The following LSS variants were observed in gnomAD, a reference collection of about 807,000 sequenced individuals.
LSS encodes the protein 2,3-epoxysqualene-lanosterol cyclase.
In LSS, 90 loss-of-function variants were observed where a neutral mutation model predicts 110.3. The ratio of observed to expected loss-of-function variants is 0.82; its 90% CI spans 0.69 to 0.97. The LOEUF is 0.97. Ranked by LOEUF, LSS falls within the 50% of genes least tolerant of loss-of-function variation. The pLI, the probability that LSS is intolerant of heterozygous loss-of-function variation, is 0.00. For synonymous variants in LSS, 433 were observed against 400.0 expected (o/e 1.08, Z -0.98); for missense variants, 927 against 990.0 (o/e 0.94, Z 0.85).
rs1452425165 is a variant in LSS at position 46,191,084 on chromosome 21, C to G, written c.*20G>C. 6 of 1,613,680 alleles carry G rather than the reference C, an allele frequency of 3.7e-6. No individual in the cohort carries two copies. Among genetic ancestry groups the G allele is most frequent in the Non-Finnish European group, 4.2e-6 (5 of 1,179,924 alleles). ...GCCTCACTGGAACGCACAGACGGCACCCAGCAGGTAGGCATGTTCTCAGGG... is the reference window on the plus strand; with the variant it reads ...GCCTCACTGGAACGCACAGACGGCAGCCAGCAGGTAGGCATGTTCTCAGGG... On this transcript the variant is annotated 3_prime_UTR_variant, in exon 22 of 22. Transcript: ENST00000397728.
intron 20 of LSS, among the ~76,000 whole-genome samples, chr21:46,194,270 C>T (rs947868017): frequency 1.3e-5 from 2 of 152,202 alleles, no homozygotes; most frequent in South Asian, 2.1e-4. Context: ...TTCTAAGAGG[C>T]GAGCCTCTCT....
intron 13 of LSS, among the ~76,000 whole-genome samples, chr21:46,208,785 C>T (rs1009630857): frequency 1.3e-5 from 2 of 152,346 alleles, no homozygotes; most frequent in South Asian, 4.1e-4. Flanking sequence ...GAGGCAGGAG[C>T]AGGAGCAGGC....
At chr21:46,212,062 G>GA (rs1447154074) in intron 11 of LSS, among the ~76,000 whole-genome samples, 2 of 115,490 alleles carry the variant, frequency 1.7e-5, no homozygotes, top group African/African-American at 3.3e-5. Flanking sequence ...GCAGGGAGGG[G>GA]CAGGGAGGGG....
chr21:46,217,285 T>C (rs1462564361), intron 6 of LSS, among the ~76,000 whole-genome samples: 1 of 149,552 alleles, frequency 6.7e-6, no homozygotes, highest in African/African-American at 2.5e-5. Context: ...AAAAAGAAAC[T>C]GTAGGTCTGT....
At chr21:46,205,752 C>G in intron 17 of LSS, 84 bp downstream of exon 17, 1 of 1,076,774 alleles carries the variant, frequency 9.3e-7, no homozygotes, top group African/African-American at 1.6e-5. Context: ...GATGGGCCAC[C>G]AGGGCCGTGT....
chr21:46,215,347 C>T, intron 8 of LSS, 49 bp from the exon 9 acceptor site: 2 of 1,296,336 alleles, frequency 1.5e-6, no homozygotes, highest in Non-Finnish European at 2.2e-6. Flanking sequence ...ACACTGGCCT[C>T]AGCCTGGAGC....
intron 17 of LSS, among the ~76,000 whole-genome samples, chr21:46,205,297 GA>G (rs1279959051): frequency 1.8e-5 from 1 of 56,526 alleles, no homozygotes; most frequent in Non-Finnish European, 3.5e-5. Context: ...GCGAGCAGGA[GA>G]GCAGGAGAGC....
At chr21:46,224,098 T>C (rs545701093) in intron 3 of LSS, among the ~76,000 whole-genome samples, 1,689 of 152,346 alleles carry the variant, frequency 0.011, 13 homozygotes, top group Middle Eastern at 0.02. Flanking sequence ...CCTGTACACC[T>C]GGCTCTGCCT....
Position 46,209,758 on chromosome 21 carries a change from G to T in LSS, c.1195-133C>A. ...AATCAAACCAGCAGACATCTCCAGA[G>T]AGTGCCAGGGTCTCCTGCTGCACTT... On this transcript the variant is annotated intron_variant, in intron 12 of 21. Coordinates refer to ENST00000397728, the MANE Select transcript of LSS (RefSeq NM_002340.6). The surrounding 1 kb of genome is among the most constrained non-coding windows in gnomAD (Gnocchi z 4.4). 1 of 683,982 alleles carries T rather than the reference G, an allele frequency of 1.5e-6. No individual in the cohort carries two copies. 42.4% of individuals were successfully genotyped at this position (683,982 alleles called of 1,614,324 possible). A position where few individuals can be genotyped will look rare whatever the true frequency, so the allele number is the denominator to read the frequency against.
chr21:46,210,854 A>T, intron 11 of LSS, 110 bp from the exon 12 acceptor site: 1 of 991,548 alleles, frequency 1.0e-6, no homozygotes, highest in Non-Finnish European at 1.6e-6. Context: ...GCTCCCACCC[A>T]GCCAACGCTC....
intron 5 of LSS, 73 bp downstream of exon 5, chr21:46,221,781 G>C: frequency 6.2e-7 from 1 of 1,601,428 alleles, no homozygotes; most frequent in Non-Finnish European, 8.5e-7. Flanking sequence ...GCATCTTTCT[G>C]TATCGCGTTT....
chr21:46,191,284 G>C, intron 21 of LSS, 49 bp from the exon 22 acceptor site: 2 of 1,608,230 alleles, frequency 1.2e-6, no homozygotes, highest in Non-Finnish European at 1.7e-6. Flanking sequence ...AGTCAGCTGA[G>C]GGCTAGTCCC....
chr21:46,207,682 A>C, intron 14 of LSS, 105 bp from the exon 15 acceptor site: 1 of 1,339,092 alleles, frequency 7.5e-7, no homozygotes, highest in South Asian at 1.4e-5. Flanking sequence ...GCACCCGGTC[A>C]GGGCAGGGGC....
At chr21:46,215,579 G>C (rs2080193438) in intron 8 of LSS, 106 bp downstream of exon 8, 2 of 768,304 alleles carry the variant, frequency 2.6e-6, no homozygotes, top group Admixed American at 2.7e-5. Context: ...GCCTGGCACA[G>C]AGGAGGTGGC....
chr21:46,213,129 G>A, intron 10 of LSS, 77 bp from the exon 11 acceptor site: 1 of 1,435,718 alleles, frequency 7.0e-7, no homozygotes, highest in Non-Finnish European at 9.7e-7. Context: ...CCTGCACTCA[G>A]GAGGGTCCCA....
At chr21:46,217,676 G>A (rs961755356) in intron 6 of LSS, among the ~76,000 whole-genome samples, 5 of 152,092 alleles carry the variant, frequency 3.3e-5, no homozygotes, top group African/African-American at 9.7e-5. Context: ...GCACCCTGGC[G>A]TGCCCATGCG....
intron 20 of LSS, chr21:46,193,720 G>A (rs1303418286): frequency 4.4e-6 from 2 of 452,406 alleles, no homozygotes; most frequent in Non-Finnish European, 8.8e-6. Context: ...AGGTGCCTGT[G>A]CATGCGTATG....
At chr21:46,223,291 C>G (rs756524673) in intron 3 of LSS, among the ~76,000 whole-genome samples, 2 of 152,318 alleles carry the variant, frequency 1.3e-5, no homozygotes, top group South Asian at 4.1e-4. Context: ...CACTAAGAAC[C>G]TTCCGTCCCC....
chr21:46,209,801 AG>A lies in LSS; in HGVS notation c.1195-177del, dbSNP rs1256432466. Among the ~76,000 whole-genome samples, 1 of 152,132 alleles carries A rather than the reference AG, an allele frequency of 6.6e-6. No individual in the cohort carries two copies. The highest frequency in any genetic ancestry group is 2.4e-5 in the African/African-American group (1 of 41,414). On this transcript the variant is annotated intron_variant, in intron 12 of 21. Transcript: ENST00000397728. The surrounding 1 kb of genome is among the most constrained non-coding windows in gnomAD (Gnocchi z 4.4). ...CTGCACTTACCTTTAAAGACAAAAC[AG>A]CAAAAGTCCATGAGATATGACTGAA...
Sources: gnomAD v4.1 joint callset for allele counts (sites outside exome capture counted in the v4.1 genomes callset) on GRCh38, gnomAD v4.1.1 for gene constraint, Gnocchi (gnomAD v3.1) non-coding constraint, MANE v1.5 for transcripts, NCBI Gene and HGNC (gene_info 2026-07-23, HGNC 2026-07-21) for gene names.